ZHX1: variants seen among roughly 807,000 people sequenced by gnomAD.
ZHX1 encodes zinc fingers and homeoboxes 1.
In ZHX1, 20 loss-of-function variants were observed where a neutral mutation model predicts 61.8. The ratio of observed to expected loss-of-function variants is 0.32; its 90% CI spans 0.23 to 0.47. The LOEUF (loss-of-function observed/expected upper bound fraction) is 0.47. ZHX1 is among the 20% of genes least tolerant of loss of function. The pLI, the probability that ZHX1 is intolerant of heterozygous loss-of-function variation, is 1.00. For missense variants in ZHX1, 800 were observed against 1,034.8 expected (o/e 0.77, Z 3.11); for synonymous variants, 318 against 352.6 (o/e 0.90, Z 1.10).
intron 2 of ZHX1, among the ~76,000 whole-genome samples, chr8:123,266,167 G>A (rs1414300128): frequency 6.6e-6 from 1 of 152,188 alleles, no homozygotes; most frequent in Admixed American, 6.5e-5. Flanking sequence ...ATCTTGTGAA[G>A]AGTTTGTGAA....
chr8:123,272,055 G>C (rs1188202723), intron 1 of ZHX1, among the ~76,000 whole-genome samples: 2 of 152,190 alleles, frequency 1.3e-5, no homozygotes, highest in African/African-American at 4.8e-5. Flanking sequence ...CCAAAGAACA[G>C]CACACGTGCA....
chr8:123,270,583 C>A (rs1417029088), intron 1 of ZHX1, among the ~76,000 whole-genome samples: 1 of 151,624 alleles, frequency 6.6e-6, no homozygotes, highest in Non-Finnish European at 1.5e-5. Flanking sequence ...GAGTTTGAGA[C>A]CAGCTAGGGC....
At chr8:123,258,152 T>G (rs967464882) in intron 2 of ZHX1, among the ~76,000 whole-genome samples, 1 of 152,186 alleles carries the variant, frequency 6.6e-6, no homozygotes, top group Non-Finnish European at 1.5e-5. Context: ...ATCAACAGTT[T>G]GGTGCTGTCC....
chr8:123,274,914 G>A (rs1191192931), upstream of ZHX1, among the ~76,000 whole-genome samples: 2 of 152,130 alleles, frequency 1.3e-5, no homozygotes, highest in Non-Finnish European at 2.9e-5. Flanking sequence ...CGCCCCTCGG[G>A]GGGCTGCTGC....
At chr8:123,264,650 C>T (rs1453232560) in intron 2 of ZHX1, among the ~76,000 whole-genome samples, 4 of 151,996 alleles carry the variant, frequency 2.6e-5, no homozygotes, top group African/African-American at 9.7e-5. Flanking sequence ...CCGCCGCCTC[C>T]CAGGTTCAAG....
chr8:123,252,157 A>G (rs933755043), intron 3 of ZHX1, among the ~76,000 whole-genome samples: 1 of 152,238 alleles, frequency 6.6e-6, no homozygotes, highest in Admixed American at 6.5e-5. Flanking sequence ...GTTTGAACAC[A>G]GCAGTCATTT....
rs117507592 is a variant in ZHX1 at position 123,271,921 on chromosome 8, G to A, written c.-340+2296C>T. Among the ~76,000 whole-genome samples, 1,213 of 152,308 alleles carry A rather than the reference G, an allele frequency of 8.0e-3. 6 individuals are homozygous for A. The highest frequency in any genetic ancestry group is 0.024 in the Middle Eastern group (7 of 292). ...CACTAATGAGTGTTCACTAGCACAG[G>A]CACATTTATGTTTTCGGATTTAGCA... On this transcript the variant is annotated intron_variant, in intron 1 of 3. Coordinates refer to ENST00000395571, the MANE Select transcript of ZHX1 (RefSeq NM_007222.5).
At position 123,253,406 on chromosome 8, in the gene ZHX1, C is replaced by T; in HGVS notation, c.2541G>A (p.Glu847=). The T allele has an allele frequency of 6.2e-7, 1 of 1,613,958 alleles. No homozygotes were observed. The highest frequency in any genetic ancestry group is 8.5e-7 in the Non-Finnish European group (1 of 1,179,962). Reference sequence around the variant, plus strand: ...CACTATCATCTGTTTCTTCTTCATCCTCTTCCTGGTCATCAATAACTTCAT... The same window carrying T: ...CACTATCATCTGTTTCTTCTTCATCTTCTTCCTGGTCATCAATAACTTCAT... ...EEDEVIDDQE[E]DEEETDDSDT... Residue 847 remains glutamate (E), a synonymous_variant, in exon 3 of 4, where the codon GAG becomes GAA. Coordinates refer to ENST00000395571, the MANE Select transcript of ZHX1 (RefSeq NM_007222.5).
chr8:123,274,752 T>G (rs2131236096), upstream of ZHX1, among the ~76,000 whole-genome samples: 1 of 152,144 alleles, frequency 6.6e-6, no homozygotes, highest in Admixed American at 6.5e-5. Flanking sequence ...AGCCTGGTCT[T>G]CTCTCGGGTC....
intron 2 of ZHX1, among the ~76,000 whole-genome samples, chr8:123,258,844 T>C (rs1015103503): frequency 1.2e-4 from 19 of 152,266 alleles, no homozygotes; most frequent in African/African-American, 4.3e-4. Flanking sequence ...TTTGTGTTTC[T>C]GAAGTCTAAT....
chr8:123,273,472 A>G (rs1200107733), intron 1 of ZHX1, among the ~76,000 whole-genome samples: 1 of 151,986 alleles, frequency 6.6e-6, no homozygotes, highest in Non-Finnish European at 1.5e-5. Flanking sequence ...ATCCTCTTTA[A>G]TTAACTTCTC....
rs776863418 is a variant in ZHX1, at chr8:123,254,588, G to C, written c.1359C>G (p.Val453=). 2.5e-6 allele frequency: 4 copies of C among 1,614,174 alleles called. No individual in the cohort carries two copies. In the South Asian group the frequency reaches 3.3e-5, roughly 13 times the overall value. The part of the protein sequence containing the change: ...ATAAVPTSQS[V]KHETALVNPD... ...GGTTTACCAATGCAGTTTCATGTTTGACACTTTGAGAAGTTGGAACTGCTG... is the reference window on the plus strand; with the variant it reads ...GGTTTACCAATGCAGTTTCATGTTTCACACTTTGAGAAGTTGGAACTGCTG... The change falls in exon 3 of 4, where the codon GTC becomes GTG. Residue 453 remains valine, a synonymous_variant. Coordinates refer to ENST00000395571, the MANE Select transcript of ZHX1 (RefSeq NM_007222.5). The surrounding 1 kb of genome is among the most constrained non-coding windows in gnomAD (Gnocchi z 4.1).
chr8:123,259,251 G>A (rs1239871143), intron 2 of ZHX1, among the ~76,000 whole-genome samples: 2 of 152,156 alleles, frequency 1.3e-5, no homozygotes, highest in African/African-American at 2.4e-5. Flanking sequence ...TACTCTCAAA[G>A]ATGTCATTCT....
intron 2 of ZHX1, among the ~76,000 whole-genome samples, chr8:123,260,522 C>G (rs971878549): frequency 6.7e-6 from 1 of 150,158 alleles, no homozygotes; most frequent in African/African-American, 2.4e-5. Context: ...CACTTGAACT[C>G]GGGAGGTGGA....
intron 2 of ZHX1, among the ~76,000 whole-genome samples, chr8:123,265,536 T>A (rs1271568643): frequency 6.6e-6 from 1 of 151,962 alleles, no homozygotes; most frequent in Non-Finnish European, 1.5e-5. Context: ...TTAAAAAAAA[T>A]AAAGGTGATT....
chr8:123,255,247 T>C lies in ZHX1; in HGVS notation c.700A>G (p.Thr234Ala). 6.2e-7 allele frequency: 1 copy of C among 1,614,228 alleles called. No individual in the cohort carries two copies. The stretch of plus-strand genomic sequence containing the variant: ...ATTCTGTTTACAATGGAAGTACTTG[T>C]ATTAGATTCAGAAGCTGAAGAACTT... ...NPSSSASESN[T>A]STSIVNRIHP... is the part of the protein sequence containing the mutation. The change falls in exon 3 of 4, where the codon ACA (threonine) becomes GCA (alanine). Residue 234 changes from threonine (T) to alanine (A), a missense_variant. Transcript: ENST00000395571.
chr8:123,273,476 A>ACTT (rs1435210859), intron 1 of ZHX1, among the ~76,000 whole-genome samples: 1 of 151,882 alleles, frequency 6.6e-6, no homozygotes, highest in Non-Finnish European at 1.5e-5. Flanking sequence ...TCTTTAATTA[A>ACTT]CTTCTCCCTA....
intron 1 of ZHX1, among the ~76,000 whole-genome samples, chr8:123,267,730 G>A (rs956298686): frequency 3.3e-5 from 5 of 152,100 alleles, no homozygotes; most frequent in East Asian, 1.9e-4. Context: ...GGCCGGGCGC[G>A]GTGGCTCACA....
chr8:123,252,027 ACAG>A (rs1825933998), intron 3 of ZHX1, among the ~76,000 whole-genome samples: 2 of 152,218 alleles, frequency 1.3e-5, no homozygotes, highest in Non-Finnish European at 2.9e-5. Context: ...GAAAAACTGC[ACAG>A]AATAACAGAG....
Sources: gnomAD v4.1 joint callset for allele counts (sites outside exome capture counted in the v4.1 genomes callset) on GRCh38, gnomAD v4.1.1 for gene constraint, Gnocchi (gnomAD v3.1) non-coding constraint, MANE v1.5 for transcripts, NCBI Gene and HGNC (gene_info 2026-07-23, HGNC 2026-07-21) for gene names.